PCDH15: variants seen among roughly 807,000 people sequenced by gnomAD.
PCDH15 encodes protocadherin-15.
A neutral mutation model predicts 178.5 loss-of-function variants in PCDH15; 129 were observed. The ratio of observed to expected loss-of-function variants is 0.72; its 90% CI spans 0.63 to 0.84. The LOEUF (loss-of-function observed/expected upper bound fraction) is 0.84, where lower values mean the gene tolerates loss of function less well. Among genes scored for constraint, PCDH15 ranks in the 40% least tolerant of loss-of-function variants. The pLI, the probability that PCDH15 is intolerant of heterozygous loss-of-function variation, is 0.00. For missense variants in PCDH15, 2,230 were observed against 2,099.9 expected (o/e 1.06, Z -1.21); for synonymous variants, 800 against 732.0 (o/e 1.09, Z -1.50).
intron 13 of PCDH15, among the ~76,000 whole-genome samples, chr10:54,166,300 C>G (rs1403060544): frequency 6.6e-6 from 1 of 152,172 alleles, no homozygotes; most frequent in South Asian, 2.1e-4. Flanking sequence ...GATTATTTCA[C>G]TGTGAAGAAG....
chr10:54,922,290 A>G (rs1045795115), intron 2 of PCDH15, among the ~76,000 whole-genome samples: 1 of 152,160 alleles, frequency 6.6e-6, no homozygotes, highest in Non-Finnish European at 1.5e-5. Context: ...ATGGGCCTGT[A>G]AAATTCAAAA....
At chr10:53,975,271 C>CA (rs2090092762) in intron 21 of PCDH15, among the ~76,000 whole-genome samples, 1 of 152,006 alleles carries the variant, frequency 6.6e-6, no homozygotes, top group Non-Finnish European at 1.5e-5. Flanking sequence ...TTTGGTAGAG[C>CA]AATTTATTTT....
chr10:55,035,665 C>T (rs1008274674), intron 2 of PCDH15, among the ~76,000 whole-genome samples: 1 of 152,108 alleles, frequency 6.6e-6, no homozygotes, highest in Non-Finnish European at 1.5e-5. Flanking sequence ...GGAGGATGCT[C>T]AATAAATGCT....
chr10:55,114,201 T>C (rs2132059210), intron 2 of PCDH15, among the ~76,000 whole-genome samples: 1 of 152,330 alleles, frequency 6.6e-6, no homozygotes, highest in Admixed American at 6.5e-5. Flanking sequence ...TCCTCCTGCC[T>C]TGGCCTCCCA....
chr10:55,001,565 G>C (rs1839795771), intron 2 of PCDH15, among the ~76,000 whole-genome samples: 2 of 152,166 alleles, frequency 1.3e-5, no homozygotes, highest in South Asian at 4.1e-4. Context: ...GCCTTGCACA[G>C]AGCTGGCACC....
At chr10:55,464,138 G>T (rs1312706877) in intron 2 of PCDH15, among the ~76,000 whole-genome samples, 2 of 152,030 alleles carry the variant, frequency 1.3e-5, no homozygotes, top group Non-Finnish European at 2.9e-5. Context: ...CCGGGAGTCG[G>T]ATCAACCAAT....
chr10:55,420,803 A>G (rs188403445), intron 2 of PCDH15, among the ~76,000 whole-genome samples: 25 of 151,900 alleles, frequency 1.6e-4, no homozygotes, highest in African/African-American at 5.8e-4. Flanking sequence ...ACTACAAATC[A>G]GTATTTACTA....
chr10:54,022,501 C>A, intron 19 of PCDH15, among the ~76,000 whole-genome samples: 1 of 151,782 alleles, frequency 6.6e-6, no homozygotes, highest in East Asian at 1.9e-4. Flanking sequence ...TGTGTGAACA[C>A]AAAGATAAAT....
chr10:54,671,833 A>G (rs2094679936), intron 1 of PCDH15, among the ~76,000 whole-genome samples: 1 of 152,172 alleles, frequency 6.6e-6, no homozygotes, highest in South Asian at 2.1e-4. Context: ...AAATCCTCGT[A>G]TAATACTATT....
At chr10:53,926,322 T>C (rs1461785847) in intron 25 of PCDH15, among the ~76,000 whole-genome samples, 2 of 152,218 alleles carry the variant, frequency 1.3e-5, no homozygotes, top group Non-Finnish European at 2.9e-5. Flanking sequence ...CCTATCAGTA[T>C]TTCAAATAGT....
intron 6 of PCDH15, among the ~76,000 whole-genome samples, chr10:54,330,977 A>G (rs1386957219): frequency 6.6e-6 from 1 of 151,466 alleles, no homozygotes; most frequent in African/African-American, 2.4e-5. Context: ...AAGGAAAGAG[A>G]GGGAAAGAAA....
chr10:54,050,087 G>A (rs944468671), intron 18 of PCDH15, among the ~76,000 whole-genome samples: 1 of 152,082 alleles, frequency 6.6e-6, no homozygotes, highest in African/African-American at 2.4e-5. Flanking sequence ...AGTGCGTTAG[G>A]GTGGAGTCCC....
intron 21 of PCDH15, among the ~76,000 whole-genome samples, chr10:53,974,727 C>T (rs2090046294): frequency 6.6e-6 from 1 of 152,012 alleles, no homozygotes; most frequent in Non-Finnish European, 1.5e-5. Flanking sequence ...CTATTCACAA[C>T]TTTCAAGTGA....
At chr10:55,553,334 T>C (rs900405680) in intron 2 of PCDH15, among the ~76,000 whole-genome samples, 3 of 151,716 alleles carry the variant, frequency 2.0e-5, no homozygotes, top group African/African-American at 7.2e-5. Flanking sequence ...ATTGAGTAAA[T>C]GTAATTCCTA....
At chr10:55,433,601 A>T (rs1448666279) in intron 2 of PCDH15, among the ~76,000 whole-genome samples, 1 of 152,220 alleles carries the variant, frequency 6.6e-6, no homozygotes, top group East Asian at 1.9e-4. Flanking sequence ...ATAAATAACT[A>T]AAAGAGACAT....
intron 2 of PCDH15, among the ~76,000 whole-genome samples, chr10:55,384,943 A>G (rs1424028089): frequency 6.6e-6 from 1 of 152,150 alleles, no homozygotes; most frequent in South Asian, 2.1e-4. Flanking sequence ...TTTTCTAGCT[A>G]CATATAGGTA....
chr10:55,210,845 C>G (rs982827927), intron 1 of PCDH15, among the ~76,000 whole-genome samples: 1 of 151,430 alleles, frequency 6.6e-6, no homozygotes, highest in African/African-American at 2.4e-5. Flanking sequence ...GCCGGATGGT[C>G]TTGATCTCTT....
chr10:55,083,116 T>C lies in PCDH15; in HGVS notation c.-80+83460A>G, dbSNP rs1842084607. Reference sequence around the variant, plus strand: ...TACGTCAAATAGAAAACTATAGGGTTATCTCCCTGATGAATATTGATGAAA... The same window carrying C: ...TACGTCAAATAGAAAACTATAGGGTCATCTCCCTGATGAATATTGATGAAA... On this transcript the variant is annotated intron_variant, in intron 2 of 5. Transcript: ENST00000458638. 3.3e-5 allele frequency among the ~76,000 whole-genome samples: 5 copies of C among 151,642 alleles called. No homozygotes were observed. The South Asian group carries it at 1.0e-3, about 32-fold the overall frequency.
At chr10:54,629,255 C>T (rs1199236176) in intron 2 of PCDH15, among the ~76,000 whole-genome samples, 1 of 151,998 alleles carries the variant, frequency 6.6e-6, no homozygotes, top group Non-Finnish European at 1.5e-5. Context: ...GTGAGTGTTA[C>T]ATTTAATTAA....
Sources: allele counts gnomAD v4.1 joint callset (sites outside exome capture counted in the v4.1 genomes callset), GRCh38; gene constraint gnomAD v4.1.1; transcripts MANE v1.5; gene names NCBI Gene and HGNC (gene_info 2026-07-23, HGNC 2026-07-21).